The following DCAF17 variants were observed in gnomAD, a reference collection of about 807,000 sequenced individuals.
DCAF17 encodes the protein DDB1 and CUL4 associated factor 17.
A neutral mutation model predicts 66.0 loss-of-function variants in DCAF17; 48 were observed. The observed-to-expected ratio is 0.73, with a 90% CI of 0.58 to 0.92. The LOEUF is 0.92. Among genes scored for constraint, DCAF17 ranks in the 40% least tolerant of loss-of-function variants. The pLI is 0.00. For missense variants in DCAF17, 562 were observed against 622.8 expected, an observed-to-expected ratio of 0.90 and a Z score of 1.04; for synonymous variants, 206 against 214.6, an observed-to-expected ratio of 0.96 and a Z score of 0.35.
intron 10 of DCAF17, among the ~76,000 whole-genome samples, chr2:171,476,231 G>A (rs1009144771): frequency 2.6e-5 from 4 of 151,820 alleles, no homozygotes; most frequent in Non-Finnish European, 4.4e-5. Context: ...AGATTTCTGT[G>A]GGTGGTGAGC....
intron 2 of DCAF17, chr2:171,443,288 A>C (rs1454756704): frequency 2.5e-6 from 1 of 392,724 alleles, no homozygotes; most frequent in Non-Finnish European, 4.6e-6. Flanking sequence ...GAAATGAACC[A>C]AAATGTTAAT....
rs965835850 is a variant in DCAF17 at position 171,484,057 on chromosome 2, C to T, written c.*2943C>T. The T allele has an allele frequency of 5.5e-5, 25 of 453,952 alleles. No individual in the cohort carries two copies. The highest frequency in any genetic ancestry group is 4.8e-4 in the African/African-American group (24 of 50,108). 28.1% of individuals were successfully genotyped at this position (453,952 alleles called of 1,614,324 possible). A position where few individuals can be genotyped will look rare whatever the true frequency, so the allele number is the denominator to read the frequency against. On this transcript the variant is annotated 3_prime_UTR_variant, in exon 14 of 14. Transcript: ENST00000375255. ...AAATTTGGGTAAGATACAAGTCACA[C>T]ATAAATTGACAGAAAATGTAGTTCT...
In DCAF17 at chr2:171,453,214, G is replaced by C; in HGVS notation, c.627+1G>C. On this transcript the variant is annotated splice_donor_variant, in intron 6 of 13. Transcript: ENST00000375255. LOFTEE classifies it high-confidence loss of function. ...AGGGATTCTAGAGATCAACAAAAAG[G>C]TAAGAACTCATTTCTTATTTAATTG... 1 of 1,603,532 alleles carries C rather than the reference G, an allele frequency of 6.2e-7. No homozygotes were observed. Among genetic ancestry groups the C allele is most frequent in the Non-Finnish European group, 8.5e-7 (1 of 1,172,034 alleles).
chr2:171,464,693 C>T (rs1305138392), intron 8 of DCAF17, among the ~76,000 whole-genome samples: 1 of 152,218 alleles, frequency 6.6e-6, no homozygotes, highest in African/African-American at 2.4e-5. Flanking sequence ...GATATCTTTA[C>T]TTTTAGGTCC....
chr2:171,435,171 G>A lies in DCAF17; in HGVS notation c.215G>A (p.Arg72Gln), dbSNP rs1693782133. ...GGAAGAATATATTTTGACAATTATC[G>A]GCGCTGTGTCAGCAGGTAACTTTTT... ...ERGRIYFDNY[R>Q]RCVSSVASEP... The change falls in exon 2 of 14, where the codon CGG (arginine) becomes CAG (glutamine). Residue 72 changes from arginine to glutamine, a missense_variant. Arg to Gln is a conservative substitution (Grantham distance 43, BLOSUM62 1). Around this residue, in one of 3 missense-constraint regions of DCAF17, gnomAD observed 348 missense variants for 355.9 expected, o/e 0.98. Transcript: ENST00000375255. The A allele has an allele frequency of 1.9e-6, 3 of 1,612,778 alleles. No individual in the cohort carries two copies. The highest frequency in any genetic ancestry group is 1.7e-5 in the Admixed American group (1 of 59,984).
In DCAF17 at chr2:171,453,209, A is replaced by G; in HGVS notation, c.623A>G (p.Lys208Arg). 1.2e-6 allele frequency: 2 copies of G among 1,608,130 alleles called. No individual in the cohort carries two copies. The highest frequency in any genetic ancestry group is 1.7e-6 in the Non-Finnish European group (2 of 1,175,496). ...FSLVGILEINKKIFGNVTDAT... is the reference protein window; with the variant it reads ...FSLVGILEINRKIFGNVTDAT... ...CTTGTAGGGATTCTAGAGATCAACAAAAAGGTAAGAACTCATTTCTTATTT... is the reference window on the plus strand; with the variant it reads ...CTTGTAGGGATTCTAGAGATCAACAGAAAGGTAAGAACTCATTTCTTATTT... The change falls in exon 6 of 14, where the codon AAA (lysine) becomes AGA (arginine). Residue 208 changes from lysine (K) to arginine (R), a missense_variant. Physicochemically the swap from Lys to Arg is conservative, Grantham distance 26 (BLOSUM62 2). Coordinates refer to ENST00000375255, the MANE Select transcript of DCAF17 (RefSeq NM_025000.4).
At chr2:171,455,465 G>GTA (rs1695206171) in intron 6 of DCAF17, among the ~76,000 whole-genome samples, 1 of 152,236 alleles carries the variant, frequency 6.6e-6, no homozygotes, top group Non-Finnish European at 1.5e-5. Context: ...TGCAGTGAAC[G>GTA]TATATGTGCA....
rs1416532945 is a variant in DCAF17, at chr2:171,481,642, ATATATGTATT to A, written c.*536_*545del. The A allele has an allele frequency of 1.3e-5, 6 of 453,684 alleles. No homozygotes were observed. In the Admixed American group the frequency reaches 1.4e-4, roughly 11 times the overall value. The allele number at this position is 453,684 out of a possible 1,614,324, so 28.1% of individuals were successfully genotyped here. A position where few individuals can be genotyped will look rare whatever the true frequency, so the allele number is the denominator to read the frequency against. Reference sequence around the variant, plus strand: ...TGTCATCACAGTTTTTAAAAATCTTATATATGTATTTATATGTGTTTCGTATTTGTATATA... The same window carrying A: ...TGTCATCACAGTTTTTAAAAATCTTATATATGTGTTTCGTATTTGTATATA... On this transcript the variant is annotated 3_prime_UTR_variant, in exon 14 of 14. Transcript: ENST00000375255.
chr2:171,466,779 A>G (rs1184921936), intron 8 of DCAF17, among the ~76,000 whole-genome samples: 2 of 133,966 alleles, frequency 1.5e-5, no homozygotes, highest in East Asian at 2.2e-4. Flanking sequence ...ATTGAATTTC[A>G]TATTCTTTAT....
In DCAF17 at chr2:171,482,195, GAA is replaced by G; in HGVS notation, c.*1083_*1084del. 2.2e-6 allele frequency: 1 copy of G among 452,658 alleles called. No homozygotes were observed. Among genetic ancestry groups the G allele is most frequent in the South Asian group, 1.6e-5 (1 of 63,746 alleles). 28.0% of individuals were successfully genotyped at this position (452,658 alleles called of 1,614,324 possible). On this transcript the variant is annotated 3_prime_UTR_variant, in exon 14 of 14. Transcript: ENST00000375255. ...ATGTTTCTTTGTGCTTCCTGTTTGA[GAA>G]ATTCAGTTGCTTCCATTTCGCATGT...
At chr2:171,471,540 A>T (rs1460610859) in intron 9 of DCAF17, among the ~76,000 whole-genome samples, 1 of 152,242 alleles carries the variant, frequency 6.6e-6, no homozygotes, top group Non-Finnish European at 1.5e-5. Context: ...ACCATCATGG[A>T]CACATTAATT....
chr2:171,447,830 C>T lies in DCAF17; in HGVS notation c.322-851C>T, dbSNP rs149444945. Among the ~76,000 whole-genome samples the T allele has an allele frequency of 1.3e-3, 192 of 152,366 alleles. 3 individuals are homozygous for T. Among genetic ancestry groups the T allele is most frequent in the African/African-American group, 4.4e-3 (185 of 41,590 alleles). On this transcript the variant is annotated intron_variant, in intron 3 of 13. Coordinates refer to ENST00000375255, the MANE Select transcript of DCAF17 (RefSeq NM_025000.4). ...CTACAAATTAAAGAAGAAAACTTTG[C>T]TTCTCTTTTTCTTCCTGCCTTAGAC...
chr2:171,477,836 A>C, intron 11 of DCAF17, 151 bp from the exon 12 acceptor site: 1 of 700,652 alleles, frequency 1.4e-6, no homozygotes, highest in Non-Finnish European at 2.6e-6. Flanking sequence ...ACGGAGGATC[A>C]GAAATCTGAT....
intron 8 of DCAF17, among the ~76,000 whole-genome samples, chr2:171,459,934 A>G (rs1695476406): frequency 6.6e-6 from 1 of 152,214 alleles, no homozygotes; most frequent in Admixed American, 6.5e-5. Flanking sequence ...GAATTTTAAA[A>G]CTGTAGGCTG....
chr2:171,469,156 T>C (rs1574388697), intron 9 of DCAF17, 126 bp downstream of exon 9: 3 of 1,049,692 alleles, frequency 2.9e-6, no homozygotes, highest in Admixed American at 2.0e-5. Context: ...TTGCAAACAA[T>C]TTAAAATACA....
At chr2:171,439,749 G>A (rs554638208) in intron 2 of DCAF17, among the ~76,000 whole-genome samples, 4 of 151,708 alleles carry the variant, frequency 2.6e-5, no homozygotes, top group Non-Finnish European at 1.5e-5. Context: ...CCAACATGGC[G>A]AAACCCCATC....
In DCAF17 at chr2:171,434,636, GCTTCT is replaced by G; in HGVS notation, c.61_65del (p.Phe21AlafsTer24). 6.5e-7 allele frequency: 1 copy of G among 1,533,616 alleles called. No homozygotes were observed. The highest frequency in any genetic ancestry group is 1.2e-5 in the South Asian group (1 of 83,846). On this transcript the variant is annotated frameshift_variant, in exon 1 of 14. Coordinates refer to ENST00000375255, the MANE Select transcript of DCAF17 (RefSeq NM_025000.4). LOFTEE classifies it high-confidence loss of function. ...CGGCTGAGTCGCCGGGCGCTGGGCT[GCTTCT>G]CGCGCGACGCAGGCGTGGTGCAGAG...
intron 10 of DCAF17, among the ~76,000 whole-genome samples, chr2:171,476,463 T>C (rs1037171122): frequency 7.2e-5 from 11 of 152,232 alleles, no homozygotes; most frequent in Non-Finnish European, 8.8e-5. Context: ...CTCATAGATA[T>C]CTCATCCTAC....
chr2:171,443,481 G>C, intron 2 of DCAF17, 42 bp from the exon 3 acceptor site: 1 of 1,529,886 alleles, frequency 6.5e-7, no homozygotes, highest in Non-Finnish European at 9.0e-7. Context: ...ATACTGTCTT[G>C]GTTATCAAGA....
Sources: allele counts gnomAD v4.1 joint callset (sites outside exome capture counted in the v4.1 genomes callset), GRCh38; gene constraint gnomAD v4.1.1; regional missense constraint gnomAD v4.1.1; transcripts MANE v1.5; gene names NCBI Gene and HGNC (gene_info 2026-07-23, HGNC 2026-07-21).